SGO1: variants seen among roughly 807,000 people sequenced by gnomAD.
SGO1 encodes the protein shugoshin 1.
Under a neutral mutation model 50.5 loss-of-function variants are expected in SGO1, and 39 were observed. That is an observed-to-expected ratio of 0.77 (90% CI 0.60 to 1.01). SGO1 has a LOEUF of 1.01. Among genes scored for constraint, SGO1 ranks in the 50% least tolerant of loss-of-function variants. SGO1 has a pLI of 0.00. For synonymous variants in SGO1, 191 were observed against 205.1 expected (o/e 0.93, Z 0.59); for missense variants, 638 against 606.0 (o/e 1.05, Z -0.55).
chr3:20,178,343 T>C lies in SGO1; in HGVS notation c.344A>G (p.Gln115Arg). Residue 115 changes from glutamine to arginine, a missense_variant, in exon 4 of 8, where the codon CAG becomes CGG. By Grantham distance (43) the Gln-to-Arg change is conservative. Coordinates refer to ENST00000412997, the MANE Select transcript of SGO1 (RefSeq NM_001199251.3). ...GTCCATTCCAGAGGAACATATTTCC[T>C]GGTTCTGTTAATGTATTAAAACAAA... ...SQQTVEPAQN[Q>R]EICSSGMDPN... The C allele has an allele frequency of 6.2e-7, 1 of 1,610,154 alleles. No homozygotes were observed. The highest frequency in any genetic ancestry group is 1.7e-4 in the Middle Eastern group (1 of 6,048).
At chr3:20,161,371 A>C in intron 8 of SGO1, 1 of 1,298,220 alleles carries the variant, frequency 7.7e-7, no homozygotes, top group Non-Finnish European at 1.0e-6. Flanking sequence ...ATCAAAAGTC[A>C]GCAGATACAA....
At position 20,169,766 on chromosome 3, in the gene SGO1, C is replaced by T. The variant is rs1020492144; in HGVS notation, c.*938G>A. 3.2e-6 allele frequency: 3 copies of T among 948,968 alleles called. No homozygotes were observed. The African/African-American group carries it at 5.3e-5, about 17-fold the overall frequency. 58.8% of individuals were successfully genotyped at this position (948,968 alleles called of 1,614,324 possible). A position where few individuals can be genotyped will look rare whatever the true frequency, so the allele number is the denominator to read the frequency against. The stretch of plus-strand genomic sequence containing the variant: ...TTGGGGTTCACAATTAGTCACTTAT[C>T]TTGTCCCTGAGCCTAAAAAAGAATC... On this transcript the variant is annotated 3_prime_UTR_variant, in exon 8 of 8. Coordinates refer to ENST00000412997, the MANE Select transcript of SGO1 (RefSeq NM_001199251.3).
exon 9 of SGO1, chr3:20,160,820 C>T (rs1382304323): frequency 9.2e-6 from 2 of 217,870 alleles, no homozygotes; most frequent in Admixed American, 1.0e-4. Context: ...TATTTGAGGA[C>T]ACAGCTGAGC....
At chr3:20,176,026 T>C (rs1032975536) in intron 5 of SGO1, among the ~76,000 whole-genome samples, 1 of 152,192 alleles carries the variant, frequency 6.6e-6, no homozygotes, top group Non-Finnish European at 1.5e-5. Flanking sequence ...AGTGGGGCTA[T>C]GTCTGGTTTT....
chr3:20,162,844 A>G (rs1700110942), intron 8 of SGO1, among the ~76,000 whole-genome samples: 1 of 151,856 alleles, frequency 6.6e-6, no homozygotes, highest in Non-Finnish European at 1.5e-5. Context: ...TACACTGGAT[A>G]GGATTAATAG....
Position 20,178,495 on chromosome 3 carries a change from G to A in SGO1, c.340-148C>T, listed in dbSNP as rs1035849970. 6.7e-6 allele frequency: 4 copies of A among 598,608 alleles called. No homozygotes were observed. In the Admixed American group the frequency reaches 1.1e-4, roughly 17 times the overall value. 37.1% of individuals were successfully genotyped at this position (598,608 alleles called of 1,614,324 possible). Reference sequence around the variant, plus strand: ...GAGACTATAACAGCTCAAAAGCAGAGTAAGTCTTATCCTTTTAAAGCTTAC... The same window carrying A: ...GAGACTATAACAGCTCAAAAGCAGAATAAGTCTTATCCTTTTAAAGCTTAC... On this transcript the variant is annotated intron_variant, in intron 3 of 7. Coordinates refer to ENST00000412997, the MANE Select transcript of SGO1 (RefSeq NM_001199251.3).
chr3:20,174,896 T>A lies in SGO1; in HGVS notation c.635A>T (p.Glu212Val). The A allele has an allele frequency of 6.2e-7, 1 of 1,614,042 alleles. No individual in the cohort carries two copies. The highest frequency in any genetic ancestry group is 1.1e-5 in the South Asian group (1 of 91,064). Reference sequence around the variant, plus strand: ...AGACTTCCCTGCCAAATGACTGGTTTCAAAATCATCCAAGCTATCAAACTG... The same window carrying A: ...AGACTTCCCTGCCAAATGACTGGTTACAAAATCATCCAAGCTATCAAACTG... ...ICQFDSLDDF[E>V]TSHLAGKSFE... The change falls in exon 6 of 8, where the codon GAA (glutamate) becomes GTA (valine). Residue 212 changes from glutamate to valine, a missense_variant. Physicochemically the swap from Glu to Val is moderately radical, Grantham distance 121. Transcript: ENST00000412997.
chr3:20,185,121 C>T (rs1369140601), intron 1 of SGO1, among the ~76,000 whole-genome samples: 1 of 152,156 alleles, frequency 6.6e-6, no homozygotes, highest in Admixed American at 6.5e-5. Context: ...CACTTAAGAA[C>T]TTTCTTTCTA....
chr3:20,180,244 C>T (rs1221429671), intron 3 of SGO1, among the ~76,000 whole-genome samples: 1 of 152,064 alleles, frequency 6.6e-6, no homozygotes, highest in African/African-American at 2.4e-5. Flanking sequence ...CCATGATATG[C>T]CACTGCACTT....
intron 8 of SGO1, chr3:20,161,243 C>G (rs758762734): frequency 6.5e-6 from 10 of 1,545,700 alleles, no homozygotes; most frequent in South Asian, 1.2e-5. Flanking sequence ...AAAGCAAACA[C>G]AAAATCAGTC....
At chr3:20,166,282 CACA>C (rs1700296709), downstream of SGO1, among the ~76,000 whole-genome samples, 1 of 152,064 alleles carries the variant, frequency 6.6e-6, no homozygotes, top group African/African-American at 2.4e-5. Flanking sequence ...AAAACTAAAA[CACA>C]ACAACAAAAA....
At position 20,169,759 on chromosome 3, in the gene SGO1, C is replaced by G. The variant is rs1700530875; in HGVS notation, c.*945G>C. The G allele has an allele frequency of 1.1e-6, 1 of 937,156 alleles. No homozygotes were observed. Among genetic ancestry groups the G allele is most frequent in the Non-Finnish European group, 1.3e-6 (1 of 786,190 alleles). The allele number at this position is 937,156 out of a possible 1,614,324, so 58.1% of individuals were successfully genotyped here. On this transcript the variant is annotated 3_prime_UTR_variant, in exon 8 of 8. Coordinates refer to ENST00000412997, the MANE Select transcript of SGO1 (RefSeq NM_001199251.3). ...TTAGAGCTTGGGGTTCACAATTAGT[C>G]ACTTATCTTGTCCCTGAGCCTAAAA...
chr3:20,183,846 C>G, intron 2 of SGO1, 40 bp downstream of exon 2: 1 of 1,606,146 alleles, frequency 6.2e-7, no homozygotes, highest in Non-Finnish European at 8.5e-7. Flanking sequence ...TAAATCTAAA[C>G]TTAAAAGTGA....
At chr3:20,162,626 T>G (rs888979816) in intron 8 of SGO1, among the ~76,000 whole-genome samples, 1 of 151,752 alleles carries the variant, frequency 6.6e-6, no homozygotes, top group Non-Finnish European at 1.5e-5. Context: ...AAAAGAAAAA[T>G]AGGCCAATAA....
At chr3:20,179,667 G>A (rs533506526) in intron 3 of SGO1, among the ~76,000 whole-genome samples, 4 of 152,046 alleles carry the variant, frequency 2.6e-5, no homozygotes, top group African/African-American at 7.2e-5. Flanking sequence ...GGGCTCAAGC[G>A]ATCCTCTCAC....
At chr3:20,185,611 GGTAA>G (rs1416515803) in intron 1 of SGO1, among the ~76,000 whole-genome samples, 1 of 152,180 alleles carries the variant, frequency 6.6e-6, no homozygotes, top group African/African-American at 2.4e-5. Flanking sequence ...GCCTCTCCAG[GGTAA>G]GTGAGGAAGA....
At chr3:20,163,246 G>GA (rs972911235) in intron 8 of SGO1, among the ~76,000 whole-genome samples, 99 of 150,476 alleles carry the variant, frequency 6.6e-4, no homozygotes, top group African/African-American at 2.1e-3. Context: ...TTCCTGTTTG[G>GA]AAAAAAAAAG....
At chr3:20,175,877 G>A (rs1229609018) in intron 5 of SGO1, among the ~76,000 whole-genome samples, 1 of 152,140 alleles carries the variant, frequency 6.6e-6, no homozygotes, top group Non-Finnish European at 1.5e-5. Flanking sequence ...ATTGAGTACA[G>A]ATTCAGAGAA....
At chr3:20,178,974 A>T (rs193048121) in intron 3 of SGO1, among the ~76,000 whole-genome samples, 2 of 152,224 alleles carry the variant, frequency 1.3e-5, no homozygotes, top group Admixed American at 6.5e-5. Context: ...CCGGGGGTAG[A>T]AAGAGCTGAG....
Sources: allele counts gnomAD v4.1 joint callset (sites outside exome capture counted in the v4.1 genomes callset), GRCh38; gene constraint gnomAD v4.1.1; transcripts MANE v1.5; gene names NCBI Gene and HGNC (gene_info 2026-07-23, HGNC 2026-07-21).